Variants in SLC16A14 observed in about 807,000 individuals in gnomAD.
SLC16A14 encodes solute carrier family 16 member 14, also known as monocarboxylate transporter 14.
SLC16A14 carries 14 observed loss-of-function variants against 35.8 expected under a neutral mutation model. The ratio of observed to expected loss-of-function variants is 0.39; its 90% CI spans 0.26 to 0.61. SLC16A14 has a LOEUF of 0.61. Among genes scored for constraint, SLC16A14 ranks in the 20% least tolerant of loss-of-function variants. The pLI, the probability that SLC16A14 is intolerant of heterozygous loss-of-function variation, is 0.51. For missense variants in SLC16A14, 533 were observed against 655.0 expected (o/e 0.81, Z 2.03); for synonymous variants, 248 against 258.9 (o/e 0.96, Z 0.40).
chr2:230,039,839 C>T (rs763157668), intron 4 of SLC16A14, among the ~76,000 whole-genome samples: 1 of 152,122 alleles, frequency 6.6e-6, no homozygotes, highest in Admixed American at 6.5e-5. Context: ...TGCTGTTTAA[C>T]GTGAACCTCG....
chr2:230,040,110 C>A (rs112779517), intron 4 of SLC16A14, among the ~76,000 whole-genome samples: 206 of 152,102 alleles, frequency 1.4e-3, no homozygotes, highest in African/African-American at 4.6e-3. Context: ...CCTCAGAGCA[C>A]CCTAGGATCC....
chr2:230,066,654 T>TTG (rs2077797778), intron 1 of SLC16A14: 4 of 437,430 alleles, frequency 9.1e-6, no homozygotes, highest in South Asian at 6.5e-5. Context: ...TTTTTTTTTT[T>TTG]GACAGAGTAT....
chr2:230,057,970 A>G (rs1284446081), intron 2 of SLC16A14, among the ~76,000 whole-genome samples: 10 of 152,126 alleles, frequency 6.6e-5, no homozygotes, highest in Non-Finnish European at 1.5e-4. Flanking sequence ...CCGAGGTTGC[A>G]GTGAGCCCAG....
intron 2 of SLC16A14, among the ~76,000 whole-genome samples, chr2:230,051,559 G>A (rs2077659999): frequency 2.0e-5 from 3 of 152,166 alleles, no homozygotes; most frequent in Non-Finnish European, 4.4e-5. Flanking sequence ...TGTGATCAAT[G>A]ATTCCTTGTT....
At chr2:230,065,157 C>T (rs1349703040) in intron 1 of SLC16A14, among the ~76,000 whole-genome samples, 1 of 152,206 alleles carries the variant, frequency 6.6e-6, no homozygotes, top group Non-Finnish European at 1.5e-5. Flanking sequence ...ACAAACTGCT[C>T]TTGATATTTC....
At chr2:230,065,346 T>C (rs1194577941) in intron 1 of SLC16A14, among the ~76,000 whole-genome samples, 1 of 152,064 alleles carries the variant, frequency 6.6e-6, no homozygotes, top group Non-Finnish European at 1.5e-5. Flanking sequence ...AACCTCTACC[T>C]TCCAGGTTTA....
intron 4 of SLC16A14, 161 bp downstream of exon 4, chr2:230,045,584 T>A: frequency 2.4e-6 from 2 of 817,474 alleles, no homozygotes; most frequent in Non-Finnish European, 3.9e-6. Context: ...AAGAATAGGC[T>A]TTAACTTGCT....
intron 2 of SLC16A14, among the ~76,000 whole-genome samples, chr2:230,052,275 C>T (rs1028750547): frequency 2.6e-5 from 4 of 152,084 alleles, no homozygotes; most frequent in Admixed American, 2.0e-4. Flanking sequence ...ATTAAATATG[C>T]ACATTATAGA....
chr2:230,049,600 T>C (rs1450480524), intron 3 of SLC16A14, among the ~76,000 whole-genome samples, 161 bp downstream of exon 3: 1 of 152,192 alleles, frequency 6.6e-6, no homozygotes, highest in Non-Finnish European at 1.5e-5. Flanking sequence ...AATGTAATGT[T>C]AAAATGTATT....
chr2:230,067,415 C>G (rs1357017467), intron 1 of SLC16A14, among the ~76,000 whole-genome samples: 2 of 152,152 alleles, frequency 1.3e-5, no homozygotes, highest in East Asian at 3.9e-4. Flanking sequence ...CAAATGGGAG[C>G]AATGAAGCTT....
In SLC16A14 at chr2:230,046,508, C is replaced by T. The variant is rs1481828105; in HGVS notation, c.618G>A (p.Gly206=). The T allele has an allele frequency of 1.2e-6, 2 of 1,614,100 alleles. No homozygotes were observed. Among genetic ancestry groups the T allele is most frequent in the Non-Finnish European group, 1.7e-6 (2 of 1,180,038 alleles). The change falls in exon 4 of 5, where the codon GGG becomes GGA. Residue 206 remains glycine, a synonymous_variant. Transcript: ENST00000295190. The surrounding 1 kb of genome is among the most constrained non-coding windows in gnomAD (Gnocchi z 5.0). The part of the protein sequence containing the change: ...GAVSLNLCVC[G]ALMRPLSPGK... The stretch of plus-strand genomic sequence containing the variant: ...CAGGAGAGAGGGGCCTCATGAGCGC[C>T]CCACAAACACACAGGTTTAGGGAAA...
rs1233191318 is a variant in SLC16A14 at position 230,037,335 on chromosome 2, A to G, written c.*45T>C. 7 of 1,508,792 alleles carry G rather than the reference A, an allele frequency of 4.6e-6. No homozygotes were observed. Among genetic ancestry groups the G allele is most frequent in the Admixed American group, 2.3e-5 (1 of 44,106 alleles). 93.5% of individuals were successfully genotyped at this position (1,508,792 alleles called of 1,614,324 possible). On this transcript the variant is annotated 3_prime_UTR_variant, in exon 5 of 5. Transcript: ENST00000295190. ...GTGCCTCACAGCAACCATGCGAGGT[A>G]GGCATGAGTATTACAATGAAACCTA...
At chr2:230,039,614 T>C (rs949425041) in intron 4 of SLC16A14, among the ~76,000 whole-genome samples, 5 of 152,184 alleles carry the variant, frequency 3.3e-5, no homozygotes, top group African/African-American at 1.2e-4. Flanking sequence ...GAATACATGA[T>C]GGGAATAACT....
intron 1 of SLC16A14, among the ~76,000 whole-genome samples, chr2:230,063,088 G>A (rs1004365781): frequency 6.6e-6 from 1 of 152,068 alleles, no homozygotes; most frequent in African/African-American, 2.4e-5. Flanking sequence ...AGGAGCTCGA[G>A]ACCAGCCTGG....
chr2:230,049,779 T>C lies in SLC16A14; in HGVS notation c.385A>G (p.Thr129Ala), dbSNP rs1203203934. ...TGCTTACCAGCTGCGACTCCAAAAG[T>C]AATGAAGAGATAATGCACGTTTGCA... Reference protein sequence around the residue: ...YAANVHYLFITFGVAAGLGSG... With the variant: ...YAANVHYLFIAFGVAAGLGSG... Residue 129 changes from threonine to alanine, a missense_variant, in exon 3 of 5, where the codon ACT (threonine) becomes GCT (alanine). By Grantham distance (58) the Thr-to-Ala change is moderately conservative. Coordinates refer to ENST00000295190, the MANE Select transcript of SLC16A14 (RefSeq NM_152527.5). 3 of 1,613,870 alleles carry C rather than the reference T, an allele frequency of 1.9e-6. No individual in the cohort carries two copies. The highest frequency in any genetic ancestry group is 2.2e-5 in the East Asian group (1 of 44,854).
intron 2 of SLC16A14, 120 bp from the exon 3 acceptor site, chr2:230,050,024 GC>G: frequency 8.6e-7 from 1 of 1,163,336 alleles, no homozygotes; most frequent in Admixed American, 2.8e-5. Flanking sequence ...GACACAAAAA[GC>G]CCCCATTGCT....
At chr2:230,047,145 C>G (rs1169790703) in intron 3 of SLC16A14, among the ~76,000 whole-genome samples, 1 of 152,132 alleles carries the variant, frequency 6.6e-6, no homozygotes, top group East Asian at 1.9e-4. Context: ...TTAAGCCTCC[C>G]TTGATTGCAC....
rs1171403643 is a variant in SLC16A14, at chr2:230,035,607, A to C, written c.*1773T>G. 3 of 152,304 alleles carry C rather than the reference A, an allele frequency of 2.0e-5. No homozygotes were observed. Among genetic ancestry groups the C allele is most frequent in the African/African-American group, 7.2e-5 (3 of 41,460 alleles). 9.4% of individuals were successfully genotyped at this position (152,304 alleles called of 1,614,324 possible). ...ATAGAGAGCTGGATTCTTTAACAGC[A>C]GCCAAAGCTGTAATGATAACACATA... On this transcript the variant is annotated 3_prime_UTR_variant, in exon 5 of 5. Transcript: ENST00000295190.
chr2:230,046,858 T>C lies in SLC16A14; in HGVS notation c.404-136A>G, dbSNP rs2077613117. ...TTTATTTCTAACAAAGCAATAACAC[T>C]GATTATTTAAAAAGCAGCTCCCAGG... On this transcript the variant is annotated intron_variant, in intron 3 of 4. Coordinates refer to ENST00000295190, the MANE Select transcript of SLC16A14 (RefSeq NM_152527.5). The surrounding 1 kb of genome is among the most constrained non-coding windows in gnomAD (Gnocchi z 5.0). 4 of 1,073,302 alleles carry C rather than the reference T, an allele frequency of 3.7e-6. No homozygotes were observed. In the African/African-American group the frequency reaches 4.8e-5, roughly 13 times the overall value. The allele number at this position is 1,073,302 out of a possible 1,614,324, so 66.5% of individuals were successfully genotyped here.
Sources: gnomAD v4.1 joint callset for allele counts (sites outside exome capture counted in the v4.1 genomes callset) on GRCh38, gnomAD v4.1.1 for gene constraint, Gnocchi (gnomAD v3.1) non-coding constraint, MANE v1.5 for transcripts, NCBI Gene and HGNC (gene_info 2026-07-23, HGNC 2026-07-21) for gene names.